GREB1L: variants seen among roughly 807,000 people sequenced by gnomAD.
GREB1L encodes the protein GREB1-like protein.
In GREB1L, 17 loss-of-function variants were observed where a neutral mutation model predicts 200.8. The ratio of observed to expected loss-of-function variants is 0.08; its 90% confidence interval spans 0.06 to 0.13. The LOEUF (loss-of-function observed/expected upper bound fraction) is 0.13. GREB1L is among the 10% of genes least tolerant of loss of function. The pLI, the probability that GREB1L is intolerant of heterozygous loss-of-function variation, is 1.00. For synonymous variants in GREB1L, 789 were observed against 893.0 expected (o/e 0.88, Z 2.08); for missense variants, 1,657 against 2,367.7 (o/e 0.70, Z 6.23).
In GREB1L at chr18:21,440,358, G is replaced by T; in HGVS notation, c.1039G>T (p.Val347Phe). Residue 347 changes from valine (V) to phenylalanine (F), a missense_variant, in exon 9 of 33, where the codon GTC becomes TTC. Val to Phe is a conservative substitution (Grantham distance 50). This residue lies in a region of GREB1L where 289 missense variants were observed against 345.1 expected (regional missense o/e 0.84). Coordinates refer to ENST00000424526, the MANE Select transcript of GREB1L (RefSeq NM_001142966.3). ...PLPQPGLVVP[V>F]PTVRPLSRTE... ...CCCCCAACCTGGCTTAGTTGTACCT[G>T]TCCCTACAGTTCGCCCTCTTTCAAG... is the stretch of plus-strand genomic sequence containing the variant. 1 of 1,551,814 alleles carries T rather than the reference G, an allele frequency of 6.4e-7. No homozygotes were observed. Among genetic ancestry groups the T allele is most frequent in the Non-Finnish European group, 8.7e-7 (1 of 1,146,836 alleles).
At chr18:21,422,660 G>T (rs1472460272) in intron 7 of GREB1L, among the ~76,000 whole-genome samples, 2 of 152,008 alleles carry the variant, frequency 1.3e-5, no homozygotes, top group Admixed American at 6.5e-5. Flanking sequence ...ATACTATCTG[G>T]ATATGCCATA....
At chr18:21,458,577 A>T (rs2034887118) in intron 15 of GREB1L, among the ~76,000 whole-genome samples, 2 of 152,242 alleles carry the variant, frequency 1.3e-5, no homozygotes, top group African/African-American at 4.8e-5. Context: ...AATAGAAACC[A>T]TCACGTTGTT....
chr18:21,393,817 C>T (rs2144327067), intron 4 of GREB1L, among the ~76,000 whole-genome samples: 1 of 152,256 alleles, frequency 6.6e-6, no homozygotes, highest in Admixed American at 6.5e-5. Flanking sequence ...CCACCTCGGC[C>T]TCCGAAAGTG....
At chr18:21,285,214 C>G (rs1171751678) in intron 1 of GREB1L, among the ~76,000 whole-genome samples, 2 of 151,560 alleles carry the variant, frequency 1.3e-5, no homozygotes, top group Non-Finnish European at 2.9e-5. Flanking sequence ...TGTATGTATA[C>G]TTTGAAGCAC....
At chr18:21,306,666 T>G (rs1403983702) in intron 1 of GREB1L, among the ~76,000 whole-genome samples, 1 of 152,228 alleles carries the variant, frequency 6.6e-6, no homozygotes, top group Non-Finnish European at 1.5e-5. Flanking sequence ...GCAGACTCAG[T>G]GTGGTAAACA....
chr18:21,396,269 T>TC (rs759217060), intron 5 of GREB1L, among the ~76,000 whole-genome samples: 3 of 152,088 alleles, frequency 2.0e-5, no homozygotes, highest in Non-Finnish European at 2.9e-5. Flanking sequence ...GGTCTCAAAC[T>TC]CCTGACCTCA....
chr18:21,299,681 G>A (rs917758124), intron 1 of GREB1L, among the ~76,000 whole-genome samples: 2 of 152,044 alleles, frequency 1.3e-5, no homozygotes, highest in Non-Finnish European at 2.9e-5. Flanking sequence ...TATTTTATGG[G>A]CAGTGTATTG....
At chr18:21,491,159 T>G (rs1445911449) in intron 19 of GREB1L, among the ~76,000 whole-genome samples, 2 of 152,186 alleles carry the variant, frequency 1.3e-5, no homozygotes, top group African/African-American at 2.4e-5. Flanking sequence ...AATATCCACC[T>G]ACATGTCGGT....
chr18:21,262,249 G>T (rs2037900892), intron 1 of GREB1L, among the ~76,000 whole-genome samples: 1 of 152,066 alleles, frequency 6.6e-6, no homozygotes. Context: ...ATTCTTAGGG[G>T]TAGTAACTAC....
intron 23 of GREB1L, 99 bp downstream of exon 23, chr18:21,500,741 T>C: frequency 3.8e-6 from 3 of 789,420 alleles, no homozygotes; most frequent in Non-Finnish European, 4.0e-6. Context: ...ATTTCTACAG[T>C]ACCTAACCTG....
intron 14 of GREB1L, among the ~76,000 whole-genome samples, chr18:21,453,254 G>A (rs1328426391): frequency 6.6e-6 from 1 of 152,032 alleles, no homozygotes; most frequent in Non-Finnish European, 1.5e-5. Flanking sequence ...AGACTATTTG[G>A]GCTTCTATTT....
At chr18:21,350,395 A>G (rs1315202539) in intron 1 of GREB1L, among the ~76,000 whole-genome samples, 3 of 150,568 alleles carry the variant, frequency 2.0e-5, no homozygotes, top group Non-Finnish European at 4.4e-5. Context: ...ACATCAACAC[A>G]CCCGGCTAAT....
chr18:21,469,006 G>C (rs1378598496), intron 15 of GREB1L: 2 of 258,314 alleles, frequency 7.7e-6, no homozygotes, highest in Admixed American at 4.8e-5. Context: ...ACTTGATTAA[G>C]GTATGTCTGC....
chr18:21,479,570 T>A (rs1039269379), intron 17 of GREB1L, among the ~76,000 whole-genome samples: 5 of 151,778 alleles, frequency 3.3e-5, no homozygotes, highest in Non-Finnish European at 7.4e-5. Flanking sequence ...TCCCAGCTAC[T>A]CAGGAGGCTG....
At chr18:21,511,710 G>A (rs1188020886) in intron 27 of GREB1L, among the ~76,000 whole-genome samples, 6 of 152,152 alleles carry the variant, frequency 3.9e-5, no homozygotes, top group Admixed American at 6.5e-5. Flanking sequence ...GCAGTGGTAC[G>A]ACCATAGCTC....
rs1252193611 is a variant in GREB1L, at chr18:21,523,640, G to C, written c.*819G>C. On this transcript the variant is annotated 3_prime_UTR_variant, in exon 33 of 33. Transcript: ENST00000424526. ...TAAGTCAGTTAAGAAGCTTTCAGCA[G>C]GTAACCTGCACCCACCGTTTGGTTG... The C allele has an allele frequency of 6.6e-6, 1 of 152,208 alleles. No homozygotes were observed. Among genetic ancestry groups the C allele is most frequent in the African/African-American group, 2.4e-5 (1 of 41,458 alleles). The allele number at this position is 152,208 out of a possible 1,614,324, so 9.4% of individuals were successfully genotyped here.
chr18:21,257,926 C>T (rs1301919051), intron 1 of GREB1L, among the ~76,000 whole-genome samples: 1 of 152,160 alleles, frequency 6.6e-6, no homozygotes, highest in Non-Finnish European at 1.5e-5. Flanking sequence ...ACCTTTACAG[C>T]TGAGATAACT....
intron 15 of GREB1L, among the ~76,000 whole-genome samples, chr18:21,461,358 CTCAA>C (rs2145565027): frequency 6.6e-6 from 1 of 152,232 alleles, no homozygotes; most frequent in African/African-American, 2.4e-5. Flanking sequence ...GCCCCACTCT[CTCAA>C]AGACAAAACA....
At chr18:21,358,944 C>T (rs1044423411) in intron 1 of GREB1L, among the ~76,000 whole-genome samples, 1 of 152,210 alleles carries the variant, frequency 6.6e-6, no homozygotes, top group Admixed American at 6.5e-5. Context: ...TTAGTTCTAA[C>T]AATTGTTTGG....
Sources: gnomAD v4.1 joint callset for allele counts (sites outside exome capture counted in the v4.1 genomes callset) on GRCh38, gnomAD v4.1.1 for gene constraint, gnomAD v4.1.1 regional missense constraint, MANE v1.5 for transcripts, NCBI Gene and HGNC (gene_info 2026-07-23, HGNC 2026-07-21) for gene names.